Variants in SDK2 observed in about 807,000 individuals in gnomAD.
The protein encoded by SDK2 is protein sidekick-2.
SDK2 carries 105 observed loss-of-function variants against 253.9 expected under a neutral mutation model. The observed-to-expected ratio is 0.41, with a 90% CI of 0.35 to 0.49. The LOEUF is 0.49. Ranked by LOEUF, SDK2 falls within the 20% of genes least tolerant of loss-of-function variation. The pLI is 0.06. For synonymous variants in SDK2, 1,249 were observed against 1,234.9 expected, an observed-to-expected ratio of 1.01 and a Z score of -0.24; for missense variants, 2,608 against 3,003.0, an observed-to-expected ratio of 0.87 and a Z score of 3.07.
chr17:73,526,932 A>G (rs1034818583), intron 1 of SDK2, among the ~76,000 whole-genome samples: 2 of 152,254 alleles, frequency 1.3e-5, no homozygotes, highest in African/African-American at 4.8e-5. Context: ...TTTCCTGATC[A>G]GTGAACACCA....
rs1185669757 is a variant in SDK2, at chr17:73,431,200, C to G, written c.1480+302G>C. On this transcript the variant is annotated intron_variant, in intron 11 of 44. Transcript: ENST00000392650. The surrounding 1 kb of genome is among the most constrained non-coding windows in gnomAD (Gnocchi z 5.6). ...AGCTTAAAATATTTATGATCTGGCC[C>G]TTTCTTGAAAATATTTGCCGATTTC... Among the ~76,000 whole-genome samples the G allele has an allele frequency of 6.6e-6, 1 of 152,196 alleles. No individual in the cohort carries two copies. Among genetic ancestry groups the G allele is most frequent in the Non-Finnish European group, 1.5e-5 (1 of 68,042 alleles).
At chr17:73,414,117 G>A (rs534569450) in intron 18 of SDK2, among the ~76,000 whole-genome samples, 92 of 150,000 alleles carry the variant, frequency 6.1e-4, no homozygotes, top group Non-Finnish European at 1.1e-3. Context: ...CTGCAATCTC[G>A]GCTCACTGCA....
intron 29 of SDK2, among the ~76,000 whole-genome samples, chr17:73,390,004 C>G (rs546333774): frequency 1.3e-5 from 2 of 152,332 alleles, no homozygotes; most frequent in South Asian, 2.1e-4. Flanking sequence ...CCGCCTTGGC[C>G]TCCCAAAGTG....
chr17:73,356,982 T>C (rs1240349073), intron 40 of SDK2, among the ~76,000 whole-genome samples: 4 of 152,188 alleles, frequency 2.6e-5, no homozygotes, highest in African/African-American at 9.7e-5. Context: ...GTGCAGGCCC[T>C]GGTTGGGAGA....
chr17:73,621,719 A>C (rs1319397700), intron 1 of SDK2, among the ~76,000 whole-genome samples: 1 of 152,140 alleles, frequency 6.6e-6, no homozygotes, highest in Non-Finnish European at 1.5e-5. Context: ...ACAATAAAGG[A>C]AATAATGAAC....
intron 1 of SDK2, among the ~76,000 whole-genome samples, chr17:73,548,709 A>C (rs2045006923): frequency 6.6e-6 from 1 of 151,534 alleles, no homozygotes; most frequent in South Asian, 2.1e-4. Context: ...GACCTTGGGC[A>C]CTGCCCAGTC....
intron 24 of SDK2, among the ~76,000 whole-genome samples, chr17:73,397,306 A>G (rs2062978983): frequency 6.6e-6 from 1 of 152,002 alleles, no homozygotes; most frequent in Admixed American, 6.6e-5. Flanking sequence ...TGGTGGGGAG[A>G]AGTGGCCTGT....
intron 24 of SDK2, among the ~76,000 whole-genome samples, chr17:73,397,560 G>A (rs778181018): frequency 5.3e-5 from 8 of 152,176 alleles, no homozygotes; most frequent in Non-Finnish European, 1.2e-4. Context: ...AGGAAGCCTC[G>A]GTGTGTTACT....
intron 15 of SDK2, among the ~76,000 whole-genome samples, chr17:73,421,843 G>A (rs951326402): frequency 6.6e-6 from 1 of 152,084 alleles, no homozygotes; most frequent in African/African-American, 2.4e-5. Flanking sequence ...TTACAGGTGT[G>A]AGCCACCGTG....
rs1452916697 is a variant in SDK2 at position 73,435,651 on chromosome 17, G to A, written c.1001-7C>T. On this transcript the variant is annotated splice_region_variant and splice_polypyrimidine_tract_variant and intron_variant, in intron 8 of 44. Coordinates refer to ENST00000392650, the MANE Select transcript of SDK2 (RefSeq NM_001144952.2). The surrounding 1 kb of genome is among the most constrained non-coding windows in gnomAD (Gnocchi z 5.7). ...ATGGAGGGCGGCGGCACACCTGTGGGCAAGACGTGGGCCCACCGTCAACCT... is the reference window on the plus strand; with the variant it reads ...ATGGAGGGCGGCGGCACACCTGTGGACAAGACGTGGGCCCACCGTCAACCT... 3.9e-6 allele frequency: 6 copies of A among 1,544,134 alleles called. No individual in the cohort carries two copies. Among genetic ancestry groups the A allele is most frequent in the Non-Finnish European group, 4.4e-6 (5 of 1,142,456 alleles).
chr17:73,595,586 A>G (rs1226668852), intron 1 of SDK2, among the ~76,000 whole-genome samples: 12 of 152,154 alleles, frequency 7.9e-5, no homozygotes, highest in Admixed American at 7.8e-4. Flanking sequence ...CTAGGGAGGT[A>G]TGGAGTCACC....
Position 73,338,899 on chromosome 17 carries a change from C to A in SDK2, c.6207G>T (p.Lys2069Asn). Residue 2069 changes from lysine (K) to asparagine (N), a missense_variant, in exon 45 of 45, where the codon AAG (lysine) becomes AAT (asparagine). Physicochemically the swap from Lys to Asn is moderately conservative, Grantham distance 94. This residue lies in a region of SDK2 where 1,103 missense variants were observed against 1,143.9 expected (regional missense o/e 0.96). Transcript: ENST00000392650. The surrounding 1 kb of genome is among the most constrained non-coding windows in gnomAD (Gnocchi z 5.0). ...SEYEVDSNHQKAHSFVNHYIS... is the reference protein window; with the variant it reads ...SEYEVDSNHQNAHSFVNHYIS... ...TGTAGTGGTTGACAAAGGAGTGGGC[C>A]TTCTGGTGGTTTGAGTCGACCTCGT... 2 of 1,614,006 alleles carry A rather than the reference C, an allele frequency of 1.2e-6. No homozygotes were observed. Among genetic ancestry groups the A allele is most frequent in the Non-Finnish European group, 1.7e-6 (2 of 1,179,902 alleles).
intron 1 of SDK2, among the ~76,000 whole-genome samples, chr17:73,633,829 C>T (rs1017051873): frequency 5.9e-5 from 9 of 152,048 alleles, no homozygotes; most frequent in Middle Eastern, 3.4e-3. Flanking sequence ...AAGTCAGGGA[C>T]GGCTTCACGC....
rs1446527178 is a variant in SDK2, at chr17:73,383,779, G to A, written c.4705+97C>T. ...ATGGAGGAGGGAGGCAAGGTTTCAG[G>A]TTAGAGTGGTTCCAGGAAGCTGAGA... On this transcript the variant is annotated intron_variant, in intron 33 of 44. Transcript: ENST00000392650. The surrounding 1 kb of genome is among the most constrained non-coding windows in gnomAD (Gnocchi z 4.3). 1.3e-6 allele frequency: 2 copies of A among 1,495,166 alleles called. No individual in the cohort carries two copies. Among genetic ancestry groups the A allele is most frequent in the Admixed American group, 3.6e-5 (2 of 56,336 alleles). 92.6% of individuals were successfully genotyped at this position (1,495,166 alleles called of 1,614,324 possible).
chr17:73,491,889 T>C (rs1289146184), intron 2 of SDK2, among the ~76,000 whole-genome samples: 1 of 152,140 alleles, frequency 6.6e-6, no homozygotes, highest in Non-Finnish European at 1.5e-5. Context: ...TTTGGGGTAA[T>C]GGCCAGATCT....
chr17:73,598,538 C>G (rs1330785860), intron 1 of SDK2, among the ~76,000 whole-genome samples: 2 of 152,242 alleles, frequency 1.3e-5, no homozygotes, highest in African/African-American at 4.8e-5. Context: ...GGATGCAGCT[C>G]TGCTCTTTAT....
At chr17:73,434,279 C>T (rs1296804571) in intron 9 of SDK2, among the ~76,000 whole-genome samples, 1 of 152,248 alleles carries the variant, frequency 6.6e-6, no homozygotes, top group African/African-American at 2.4e-5. Flanking sequence ...GTGGCCCTGC[C>T]CCAGGAGCTC....
At position 73,391,459 on chromosome 17, in the gene SDK2, G is replaced by A; in HGVS notation, c.3978C>T (p.Ala1326=). ...GCTTACCAAGAATGATGCCATTGGGGGCGGCAGGGGGCTGCCAGATCAGCC... is the reference window on the plus strand; with the variant it reads ...GCTTACCAAGAATGATGCCATTGGGAGCGGCAGGGGGCTGCCAGATCAGCC... The part of the protein sequence containing the change: ...SVRLIWQPPA[A]PNGIILAYQI... Residue 1326 remains alanine, a synonymous_variant, in exon 28 of 45, where the codon GCC becomes GCT. Transcript: ENST00000392650. The A allele has an allele frequency of 7.6e-7, 1 of 1,309,714 alleles. No homozygotes were observed. The highest frequency in any genetic ancestry group is 9.8e-7 in the Non-Finnish European group (1 of 1,020,374). The allele number at this position is 1,309,714 out of a possible 1,614,324, so 81.1% of individuals were successfully genotyped here. A position where few individuals can be genotyped will look rare whatever the true frequency, so the allele number is the denominator to read the frequency against.
chr17:73,426,315 C>T (rs2063283998), intron 12 of SDK2, among the ~76,000 whole-genome samples: 1 of 149,378 alleles, frequency 6.7e-6, no homozygotes, highest in Non-Finnish European at 1.5e-5. Context: ...GATCCGCCTG[C>T]CTCTGCCGCC....
Sources: gnomAD v4.1 joint callset for allele counts (sites outside exome capture counted in the v4.1 genomes callset) on GRCh38, gnomAD v4.1.1 for gene constraint, gnomAD v4.1.1 regional missense constraint, Gnocchi (gnomAD v3.1) non-coding constraint, MANE v1.5 for transcripts, NCBI Gene and HGNC (gene_info 2026-07-23, HGNC 2026-07-21) for gene names.